The following PDZD8 variants were observed in gnomAD, a reference collection of about 807,000 sequenced individuals.
PDZD8 encodes PDZ domain containing 8, also known as PDZ domain-containing protein 8.
PDZD8 carries 14 observed loss-of-function variants against 85.8 expected under a neutral mutation model. That is an observed-to-expected ratio of 0.16 (90% CI 0.11 to 0.26). PDZD8 has a LOEUF of 0.26. Ranked by LOEUF, PDZD8 falls within the 10% of genes least tolerant of loss-of-function variation. The probability of loss-of-function intolerance (pLI) is 1.00; values close to 1 mark genes in which losing one functional copy is unlikely to be tolerated. For missense variants in PDZD8, 1,197 were observed against 1,424.3 expected (o/e 0.84, Z 2.57); for synonymous variants, 592 against 568.6 (o/e 1.04, Z -0.59).
Position 117,374,956 on chromosome 10 carries a change from G to C in PDZD8, c.272C>G (p.Thr91Arg), listed in dbSNP as rs569463714. The change falls in exon 1 of 5, where the codon ACG (threonine) becomes AGG (arginine). Residue 91 changes from threonine (T) to arginine (R), a missense_variant. This residue lies in a region of PDZD8 where 172 missense variants were observed against 137.8 expected (regional missense o/e 1.25). Coordinates refer to ENST00000334464, the MANE Select transcript of PDZD8 (RefSeq NM_173791.5). This position sits in a 1 kb window ranked among gnomAD's most constrained non-coding sequence, Gnocchi z 7.8. ...GTTGAGGAAGTAGCAAGTCTCCCGC[G>C]TCGGCGGGGCGGGGGTCTCGGGGGC... ...TAAPETPAPP[T>R]RETCYFLNAT... 8.2e-5 allele frequency: 132 copies of C among 1,610,386 alleles called. 1 individual carries two copies. The African/African-American group carries it at 1.7e-3, about 20-fold the overall frequency.
Position 117,284,240 on chromosome 10 carries a change from A to T in PDZD8, c.2493T>A (p.Val831=). Residue 831 remains valine (V), a synonymous_variant, in exon 5 of 5, where the codon GTT becomes GTA. Transcript: ENST00000334464. The stretch of plus-strand genomic sequence containing the variant: ...TGTTTTCTGTTAAACCCATCTGTCC[A>T]ACAAATTGCTCCTCTTTAGGGAGAA... ...VSVLPKEEQF[V]GQMGLTENKH... is the part of the protein sequence containing the mutation. The T allele has an allele frequency of 1.2e-6, 2 of 1,614,204 alleles. No homozygotes were observed. Among genetic ancestry groups the T allele is most frequent in the South Asian group, 2.2e-5 (2 of 91,080 alleles).
At chr10:117,364,109 C>T (rs1389537422) in intron 1 of PDZD8, among the ~76,000 whole-genome samples, 1 of 151,850 alleles carries the variant, frequency 6.6e-6, no homozygotes, top group Admixed American at 6.6e-5. Flanking sequence ...GATACTGTGC[C>T]AGTATGGTGC....
intron 3 of PDZD8, among the ~76,000 whole-genome samples, chr10:117,299,948 G>A (rs1843817587): frequency 6.6e-6 from 1 of 152,122 alleles, no homozygotes; most frequent in African/African-American, 2.4e-5. Context: ...CTTGTGTGCA[G>A]TGATCTTGTT....
rs1258347534 is a variant in PDZD8, at chr10:117,278,590, C to T, written c.*4678G>A. On this transcript the variant is annotated 3_prime_UTR_variant, in exon 5 of 5. Transcript: ENST00000334464. Reference sequence around the variant, plus strand: ...AATGTCTCTAATACTACTTGTGAATCCTGCAGTTCTATAATCATAAACAAA... The same window carrying T: ...AATGTCTCTAATACTACTTGTGAATTCTGCAGTTCTATAATCATAAACAAA... 2 of 152,030 alleles carry T rather than the reference C, an allele frequency of 1.3e-5. No homozygotes were observed. The highest frequency in any genetic ancestry group is 2.9e-5 in the Non-Finnish European group (2 of 68,012). The allele number at this position is 152,030 out of a possible 1,614,324, so 9.4% of individuals were successfully genotyped here.
intron 1 of PDZD8, among the ~76,000 whole-genome samples, chr10:117,370,458 A>G (rs887830042): frequency 9.2e-5 from 14 of 152,238 alleles, no homozygotes; most frequent in Non-Finnish European, 1.5e-5. Context: ...GATATTTGTT[A>G]TGTAATGATT....
At chr10:117,333,484 C>G (rs1233946854) in intron 2 of PDZD8, among the ~76,000 whole-genome samples, 1 of 152,128 alleles carries the variant, frequency 6.6e-6, no homozygotes, top group Non-Finnish European at 1.5e-5. Flanking sequence ...CACATACCAA[C>G]TACTCAGGAA....
intron 1 of PDZD8, among the ~76,000 whole-genome samples, chr10:117,355,644 C>T (rs1485496366): frequency 6.6e-6 from 1 of 152,122 alleles, no homozygotes; most frequent in Non-Finnish European, 1.5e-5. Context: ...ATAACAATTA[C>T]ACCTACCTCA....
chr10:117,353,776 G>T (rs899976396), intron 1 of PDZD8, among the ~76,000 whole-genome samples: 1 of 151,702 alleles, frequency 6.6e-6, no homozygotes, highest in African/African-American at 2.4e-5. Context: ...GGGGCGGGGA[G>T]TGGCATTTAC....
chr10:117,362,097 A>T (rs1468817897), intron 1 of PDZD8, among the ~76,000 whole-genome samples: 1 of 152,176 alleles, frequency 6.6e-6, no homozygotes, highest in African/African-American at 2.4e-5. Flanking sequence ...CTATCCAAAT[A>T]AAAGTAAAAC....
At chr10:117,367,181 CG>C (rs1396272295) in intron 1 of PDZD8, among the ~76,000 whole-genome samples, 1 of 152,050 alleles carries the variant, frequency 6.6e-6, no homozygotes, top group Non-Finnish European at 1.5e-5. Context: ...GAGGCTGAGG[CG>C]GGGGGATCAC....
At chr10:117,356,456 A>G (rs981113934) in intron 1 of PDZD8, among the ~76,000 whole-genome samples, 2 of 152,186 alleles carry the variant, frequency 1.3e-5, no homozygotes, top group Admixed American at 1.3e-4. Flanking sequence ...AAATATTTAA[A>G]TCGTTTCATT....
In PDZD8 at chr10:117,282,869, T is replaced by C. The variant is rs184821321; in HGVS notation, c.*399A>G. On this transcript the variant is annotated 3_prime_UTR_variant, in exon 5 of 5. Transcript: ENST00000334464. ...GCATGCAGCAAATTTGTTATAACCA[T>C]GATGGAAATGAAAATATTTTAAGAA... is the stretch of plus-strand genomic sequence containing the variant. 395 of 158,846 alleles carry C rather than the reference T, an allele frequency of 2.5e-3. No individual in the cohort carries two copies. The highest frequency in any genetic ancestry group is 4.0e-3 in the Non-Finnish European group (291 of 72,818). The allele number at this position is 158,846 out of a possible 1,614,324, so 9.8% of individuals were successfully genotyped here.
At chr10:117,340,231 C>A (rs1431088241) in intron 2 of PDZD8, among the ~76,000 whole-genome samples, 1 of 152,112 alleles carries the variant, frequency 6.6e-6, no homozygotes, top group Non-Finnish European at 1.5e-5. Context: ...TTCTCAAAAC[C>A]GTTTTGATAG....
intron 1 of PDZD8, among the ~76,000 whole-genome samples, chr10:117,344,201 C>A (rs945243077): frequency 6.6e-6 from 1 of 152,104 alleles, no homozygotes; most frequent in African/African-American, 2.4e-5. Context: ...CAGTGAAATT[C>A]GTGAAAATTA....
chr10:117,344,870 T>C (rs2133853087), intron 1 of PDZD8, among the ~76,000 whole-genome samples: 1 of 152,230 alleles, frequency 6.6e-6, no homozygotes, highest in Admixed American at 6.5e-5. Context: ...CAGCCCCCAC[T>C]CATGGAATGG....
chr10:117,342,150 T>C (rs1163718827), intron 1 of PDZD8, among the ~76,000 whole-genome samples: 1 of 152,234 alleles, frequency 6.6e-6, no homozygotes, highest in Non-Finnish European at 1.5e-5. Flanking sequence ...GGCATTCATA[T>C]GCTCATCACT....
chr10:117,303,349 TA>T (rs1335441065), intron 3 of PDZD8, among the ~76,000 whole-genome samples: 1 of 152,184 alleles, frequency 6.6e-6, no homozygotes, highest in Non-Finnish European at 1.5e-5. Context: ...AAAGATGATT[TA>T]GGGTATCTGG....
chr10:117,356,120 T>C (rs1026724392), intron 1 of PDZD8, among the ~76,000 whole-genome samples: 7 of 152,152 alleles, frequency 4.6e-5, no homozygotes, highest in African/African-American at 1.7e-4. Context: ...CAGTCTTATT[T>C]GTAAACTATC....
At chr10:117,292,938 C>T (rs1844796218) in intron 3 of PDZD8, among the ~76,000 whole-genome samples, 1 of 151,880 alleles carries the variant, frequency 6.6e-6, no homozygotes, top group Non-Finnish European at 1.5e-5. Context: ...GTTTTTGTTT[C>T]CTTTTAAGCC....
Sources: allele counts gnomAD v4.1 joint callset (sites outside exome capture counted in the v4.1 genomes callset), GRCh38; gene constraint gnomAD v4.1.1; regional missense constraint gnomAD v4.1.1; non-coding constraint Gnocchi (gnomAD v3.1); transcripts MANE v1.5; gene names NCBI Gene and HGNC (gene_info 2026-07-23, HGNC 2026-07-21).